PRELID2: variants seen among roughly 807,000 people sequenced by gnomAD.
PRELID2 encodes PRELI domain-containing protein 2.
Under a neutral mutation model 28.4 loss-of-function variants are expected in PRELID2, and 25 were observed. The ratio of observed to expected loss-of-function variants is 0.88; its 90% CI spans 0.64 to 1.23. The LOEUF is 1.23. Ranked by LOEUF, PRELID2 falls within the 50% of genes most tolerant of loss-of-function variation. The pLI is 0.00. For missense variants in PRELID2, 201 were observed against 214.4 expected (o/e 0.94, Z 0.39); for synonymous variants, 76 against 71.6 (o/e 1.06, Z -0.31).
chr5:145,694,424 A>C (rs1008861198), intron 1 of PRELID2, among the ~76,000 whole-genome samples: 1 of 152,060 alleles, frequency 6.6e-6, no homozygotes, highest in African/African-American at 2.4e-5. Flanking sequence ...TGTTAATGAA[A>C]TTTATTTTTC....
chr5:145,742,394 G>C (rs1488494100), intron 1 of PRELID2, among the ~76,000 whole-genome samples: 1 of 141,552 alleles, frequency 7.1e-6, no homozygotes, highest in Non-Finnish European at 1.5e-5. Context: ...ACTTGAAATA[G>C]TACAGAGTTT....
At chr5:145,657,718 T>C (rs531608512) in intron 1 of PRELID2, among the ~76,000 whole-genome samples, 26 of 152,204 alleles carry the variant, frequency 1.7e-4, no homozygotes, top group Admixed American at 4.6e-4. Context: ...AAATGAGCCC[T>C]TAAGTGCTAA....
At chr5:145,250,403 C>T in the PRELID2 span, among the ~76,000 whole-genome samples, 1 of 152,136 alleles carries the variant, frequency 6.6e-6, no homozygotes, top group East Asian at 1.9e-4. Context: ...ATTCAAAATG[C>T]AAGTGTTTGA....
chr5:145,690,466 T>C (rs910962966), intron 1 of PRELID2, among the ~76,000 whole-genome samples: 2 of 152,170 alleles, frequency 1.3e-5, no homozygotes, highest in Non-Finnish European at 2.9e-5. Context: ...AAAGGGACTG[T>C]TCTCCATCTG....
At chr5:145,417,688 A>T in the PRELID2 span, among the ~76,000 whole-genome samples, 1 of 152,184 alleles carries the variant, frequency 6.6e-6, no homozygotes, top group Non-Finnish European at 1.5e-5. Context: ...CTTTGACAAA[A>T]TTCAACATCC....
At chr5:145,507,937 T>C (rs533706667) in intron 1 of PRELID2, among the ~76,000 whole-genome samples, 9 of 152,236 alleles carry the variant, frequency 5.9e-5, no homozygotes, top group African/African-American at 2.2e-4. Context: ...GAAGGGTAAA[T>C]TAAGGGAAAG....
intron 1 of PRELID2, among the ~76,000 whole-genome samples, chr5:145,666,176 T>C (rs1754590317): frequency 6.6e-6 from 1 of 152,024 alleles, no homozygotes; most frequent in South Asian, 2.1e-4. Context: ...GGTTTCTACT[T>C]AGAGAACACT....
chr5:145,783,428 G>A (rs747064127), intron 5 of PRELID2, among the ~76,000 whole-genome samples: 1 of 152,196 alleles, frequency 6.6e-6, no homozygotes, highest in Non-Finnish European at 1.5e-5. Flanking sequence ...AACTCTAGAG[G>A]TAATAGTAGT....
At chr5:145,578,823 G>A (rs1753083973) in intron 1 of PRELID2, among the ~76,000 whole-genome samples, 1 of 152,014 alleles carries the variant, frequency 6.6e-6, no homozygotes, top group Non-Finnish European at 1.5e-5. Context: ...TCTCACAATG[G>A]TGCCATTAAG....
downstream of PRELID2, among the ~76,000 whole-genome samples, chr5:145,753,201 GTTTAA>G (rs934838212): frequency 2.0e-5 from 3 of 152,176 alleles, no homozygotes; most frequent in Admixed American, 2.0e-4. Flanking sequence ...GCTCTGTGGA[GTTTAA>G]TTTAACAGGA....
the PRELID2 span, among the ~76,000 whole-genome samples, chr5:145,369,211 T>C: frequency 6.6e-6 from 1 of 151,982 alleles, no homozygotes; most frequent in Non-Finnish European, 1.5e-5. Flanking sequence ...TTGTTACATA[T>C]GCATACATGT....
chr5:145,261,277 G>C, the PRELID2 span, among the ~76,000 whole-genome samples: 2 of 152,156 alleles, frequency 1.3e-5, no homozygotes, highest in Non-Finnish European at 2.9e-5. Flanking sequence ...CTGTGGCCCT[G>C]ACCAGAGCCT....
chr5:145,634,114 A>G (rs530656437), intron 1 of PRELID2, among the ~76,000 whole-genome samples: 1 of 152,308 alleles, frequency 6.6e-6, no homozygotes, highest in South Asian at 2.1e-4. Flanking sequence ...TCTTTCTTCC[A>G]GGGTGGTACA....
intron 1 of PRELID2, among the ~76,000 whole-genome samples, chr5:145,570,426 A>T (rs952794564): frequency 1.3e-5 from 2 of 152,182 alleles, no homozygotes; most frequent in Non-Finnish European, 2.9e-5. Context: ...TTATGAAAAA[A>T]AAATTTGCAG....
the PRELID2 span, among the ~76,000 whole-genome samples, chr5:145,232,899 C>T: frequency 2.6e-5 from 4 of 151,738 alleles, no homozygotes; most frequent in Non-Finnish European, 5.9e-5. Flanking sequence ...AGTAGGCACT[C>T]AGTGTAATTT....
intron 1 of PRELID2, among the ~76,000 whole-genome samples, chr5:145,656,156 C>T (rs1422566832): frequency 6.6e-6 from 1 of 152,142 alleles, no homozygotes; most frequent in East Asian, 1.9e-4. Flanking sequence ...AAAAAATGCT[C>T]GTCATCACTG....
At chr5:145,733,274 A>C (rs1300743963) in intron 1 of PRELID2, among the ~76,000 whole-genome samples, 1 of 152,126 alleles carries the variant, frequency 6.6e-6, no homozygotes, top group African/African-American at 2.4e-5. Context: ...AAAGAAAAAA[A>C]ATCTCAATGA....
At chr5:145,544,887 A>T (rs974522414) in intron 1 of PRELID2, among the ~76,000 whole-genome samples, 5 of 152,160 alleles carry the variant, frequency 3.3e-5, no homozygotes, top group Admixed American at 2.0e-4. Flanking sequence ...CAGAAAGATC[A>T]ATACATTTAA....
chr5:145,263,707 G>A, the PRELID2 span, among the ~76,000 whole-genome samples: 1 of 151,990 alleles, frequency 6.6e-6, no homozygotes, highest in Admixed American at 6.6e-5. Flanking sequence ...AGGCTACTAT[G>A]AACACCTTTA....
Sources: gnomAD v4.1 joint callset for allele counts (sites outside exome capture counted in the v4.1 genomes callset) on GRCh38, gnomAD v4.1.1 for gene constraint, MANE v1.5 for transcripts, NCBI Gene and HGNC (gene_info 2026-07-23, HGNC 2026-07-21) for gene names.